Variants in NR1D2 observed in about 807,000 individuals in gnomAD.
NR1D2 encodes V-erbA-related protein 1-related.
A neutral mutation model predicts 52.2 loss-of-function variants in NR1D2; 25 were observed. The observed-to-expected ratio is 0.48, with a 90% CI of 0.35 to 0.67. NR1D2 has a LOEUF of 0.67. Ranked by LOEUF, NR1D2 falls within the 30% of genes least tolerant of loss-of-function variation. The probability of loss-of-function intolerance (pLI) is 0.01; values close to 1 mark genes in which losing one functional copy is unlikely to be tolerated. For missense variants in NR1D2, 681 were observed against 707.2 expected (o/e 0.96, Z 0.42); for synonymous variants, 259 against 230.1 (o/e 1.13, Z -1.14).
chr3:23,967,341 A>G (rs1706473427), intron 6 of NR1D2, among the ~76,000 whole-genome samples: 1 of 151,148 alleles, frequency 6.6e-6, no homozygotes, highest in African/African-American at 2.4e-5. Context: ...AAAATCTGGC[A>G]TGGTGGCTCA....
At chr3:23,957,759 A>G (rs1363069620) in intron 3 of NR1D2, among the ~76,000 whole-genome samples, 2 of 152,040 alleles carry the variant, frequency 1.3e-5, no homozygotes, top group Non-Finnish European at 2.9e-5. Context: ...TGGGGAAGGC[A>G]TTATTCTTAC....
chr3:23,959,351 C>T (rs1317326988), intron 3 of NR1D2, among the ~76,000 whole-genome samples: 4 of 151,554 alleles, frequency 2.6e-5, no homozygotes, highest in Admixed American at 1.3e-4. Context: ...GAAAATGTGA[C>T]TGCAGGCAGG....
At chr3:23,955,963 A>G in intron 2 of NR1D2, 74 bp from the exon 3 acceptor site, 1 of 1,049,312 alleles carries the variant, frequency 9.5e-7, no homozygotes. Flanking sequence ...TGAATGAAAT[A>G]AAATATCTAA....
intron 5 of NR1D2, among the ~76,000 whole-genome samples, chr3:23,963,811 C>G (rs1200264584): frequency 6.6e-6 from 1 of 151,714 alleles, no homozygotes; most frequent in African/African-American, 2.4e-5. Flanking sequence ...ATGATATTCT[C>G]TATGGTTTTG....
intron 1 of NR1D2, 39 bp from the exon 2 acceptor site, chr3:23,954,498 T>A (rs755327551): frequency 1.3e-6 from 2 of 1,564,284 alleles, no homozygotes; most frequent in Admixed American, 1.7e-5. Flanking sequence ...ATACGTATTA[T>A]CTTGTATCTA....
intron 1 of NR1D2, among the ~76,000 whole-genome samples, chr3:23,950,125 CTTACT>C (rs1705884495): frequency 1.3e-5 from 2 of 152,192 alleles, no homozygotes; most frequent in Admixed American, 6.5e-5. Context: ...TTTTACTCTT[CTTACT>C]TTATCATCAA....
chr3:23,960,906 C>T (rs1249814257), intron 4 of NR1D2, among the ~76,000 whole-genome samples: 1 of 152,158 alleles, frequency 6.6e-6, no homozygotes, highest in African/African-American at 2.4e-5. Flanking sequence ...TTTTTATTAT[C>T]TCTGTGTAAA....
At chr3:23,946,823 C>T (rs1457459806) in intron 1 of NR1D2, among the ~76,000 whole-genome samples, 1 of 152,154 alleles carries the variant, frequency 6.6e-6, no homozygotes, top group Non-Finnish European at 1.5e-5. Context: ...CAACAGGGTG[C>T]CCTTCCCTCC....
chr3:23,963,464 T>G, intron 5 of NR1D2: 1 of 1,134,130 alleles, frequency 8.8e-7, no homozygotes, highest in Non-Finnish European at 1.1e-6. Flanking sequence ...TTTTGTTTTT[T>G]TTTTTGAGAC....
chr3:23,976,691 A>G (rs1175975203), intron 7 of NR1D2, among the ~76,000 whole-genome samples: 1 of 152,184 alleles, frequency 6.6e-6, no homozygotes, highest in African/African-American at 2.4e-5. Flanking sequence ...CTCAGAACGG[A>G]CATCCTATCA....
intron 2 of NR1D2, among the ~76,000 whole-genome samples, chr3:23,955,652 T>C (rs1250167413): frequency 6.6e-6 from 1 of 151,904 alleles, no homozygotes; most frequent in Non-Finnish European, 1.5e-5. Flanking sequence ...ACCCCATCTC[T>C]ACTAAAAATA....
intron 1 of NR1D2, among the ~76,000 whole-genome samples, chr3:23,947,291 C>G (rs1040772890): frequency 6.6e-6 from 1 of 152,204 alleles, no homozygotes; most frequent in Non-Finnish European, 1.5e-5. Flanking sequence ...TCCAATACTT[C>G]GCTGATCTAA....
chr3:23,956,323 TTTC>T (rs2125286651), intron 3 of NR1D2, among the ~76,000 whole-genome samples, 198 bp downstream of exon 3: 1 of 152,350 alleles, frequency 6.6e-6, no homozygotes, highest in South Asian at 2.1e-4. Context: ...GTATTTCTTT[TTTC>T]TTTAAGATTT....
At chr3:23,950,983 G>A (rs1393164733) in intron 1 of NR1D2, among the ~76,000 whole-genome samples, 12 of 141,040 alleles carry the variant, frequency 8.5e-5, no homozygotes, top group Admixed American at 7.8e-4. Context: ...TCGGCTCACC[G>A]CAACCTCCGC....
chr3:23,961,856 G>A, intron 4 of NR1D2, 121 bp from the exon 5 acceptor site: 1 of 908,940 alleles, frequency 1.1e-6, no homozygotes, highest in East Asian at 2.6e-5. Context: ...CCAGAGACAT[G>A]TAGACTCATT....
At chr3:23,976,999 T>C (rs1466258980) in intron 7 of NR1D2, among the ~76,000 whole-genome samples, 2 of 85,006 alleles carry the variant, frequency 2.4e-5, no homozygotes, top group Non-Finnish European at 5.1e-5. Flanking sequence ...TAAAGAATTT[T>C]GATTGATCAA....
At chr3:23,964,145 C>A (rs1706374736) in intron 5 of NR1D2, among the ~76,000 whole-genome samples, 1 of 150,654 alleles carries the variant, frequency 6.6e-6, no homozygotes. Context: ...GTGGTATGAT[C>A]TCGGCTCACT....
rs775137466 is a variant in NR1D2 at position 23,956,025 on chromosome 3, T to C, written c.284-12T>C. 6 of 1,605,194 alleles carry C rather than the reference T, an allele frequency of 3.7e-6. No individual in the cohort carries two copies. The East Asian group carries it at 1.3e-4, about 36-fold the overall frequency. ...CCTCCTACTTTTTACTTCGTGTCCT[T>C]TTGTGTCCTAGAATTTAGTGGCATG... is the stretch of plus-strand genomic sequence containing the variant. On this transcript the variant is annotated splice_polypyrimidine_tract_variant and intron_variant, in intron 2 of 7. Coordinates refer to ENST00000312521, the MANE Select transcript of NR1D2 (RefSeq NM_005126.5).
At position 23,954,592 on chromosome 3, in the gene NR1D2, TCA is replaced by T; in HGVS notation, c.75_76del (p.His25GlnfsTer2). On this transcript the variant is annotated frameshift_variant, in exon 2 of 8. Coordinates refer to ENST00000312521, the MANE Select transcript of NR1D2 (RefSeq NM_005126.5). LOFTEE classifies it high-confidence loss of function. ...GCTCAGCCTCAAGCCCTGCCTCTTG[TCA>T]CAGTGAGGGTTCTGAGAATAGTTTC... ...SSSASSPASC[H>X]SEGSENSFQS... 6.2e-7 allele frequency: 1 copy of T among 1,614,076 alleles called. No individual in the cohort carries two copies. Among genetic ancestry groups the T allele is most frequent in the South Asian group, 1.1e-5 (1 of 91,084 alleles).
Sources: gnomAD v4.1 joint callset for allele counts (sites outside exome capture counted in the v4.1 genomes callset) on GRCh38, gnomAD v4.1.1 for gene constraint, MANE v1.5 for transcripts, NCBI Gene and HGNC (gene_info 2026-07-23, HGNC 2026-07-21) for gene names.